Variants in ATP6V1C2 observed in about 807,000 individuals in gnomAD.
ATP6V1C2 encodes the protein ATPase H+ transporting V1 subunit C2, also known as V-type proton ATPase subunit C 2.
In ATP6V1C2, 45 loss-of-function variants were observed where a neutral mutation model predicts 56.8. The ratio of observed to expected loss-of-function variants is 0.79; its 90% CI spans 0.62 to 1.02. The LOEUF is 1.02. Ranked by LOEUF, ATP6V1C2 falls within the 50% of genes least tolerant of loss-of-function variation. ATP6V1C2 has a pLI of 0.00. For synonymous variants in ATP6V1C2, 220 were observed against 201.3 expected (o/e 1.09, Z -0.79); for missense variants, 463 against 519.7 (o/e 0.89, Z 1.06).
In ATP6V1C2 at chr2:10,722,938, A is replaced by G. The variant is rs759296963; in HGVS notation, c.89A>G (p.Asn30Ser). The G allele has an allele frequency of 4.3e-6, 7 of 1,614,104 alleles. No homozygotes were observed. The highest frequency in any genetic ancestry group is 2.2e-5 in the East Asian group (1 of 44,880). Residue 30 changes from asparagine to serine, a missense_variant, in exon 2 of 14, where the codon AAC becomes AGC. Asn to Ser is a conservative substitution (Grantham distance 46). Transcript: ENST00000272238. The part of the protein sequence containing the change: ...ERMNTVTSKS[N>S]LSYNTKFAIP... ...ATGAATACTGTAACCTCCAAGTCCA[A>G]CCTGTCTTATAATACCAAATTCGCT... is the stretch of plus-strand genomic sequence containing the variant.
intron 4 of ATP6V1C2, 118 bp from the exon 5 acceptor site, chr2:10,764,213 G>C (rs1422642561): frequency 4.7e-6 from 4 of 847,298 alleles, no homozygotes; most frequent in African/African-American, 1.7e-5. Flanking sequence ...CTGCCCGCCG[G>C]CGTTGCCCAT....
At chr2:10,728,897 G>A (rs916954820) in intron 3 of ATP6V1C2, among the ~76,000 whole-genome samples, 7 of 151,318 alleles carry the variant, frequency 4.6e-5, no homozygotes, top group Non-Finnish European at 8.8e-5. Context: ...TCAGGACTTC[G>A]GGAGGCCGAG....
intron 4 of ATP6V1C2, among the ~76,000 whole-genome samples, chr2:10,762,000 TGGCCCTGCCTG>T (rs977046586): frequency 2.6e-5 from 4 of 152,256 alleles, no homozygotes; most frequent in Admixed American, 2.0e-4. Context: ...AGGGGAGCCG[TGGCCCTGCCTG>T]GGCCCTGCAG....
Position 10,766,473 on chromosome 2 carries a change from C to T in ATP6V1C2, c.378+2048C>T, listed in dbSNP as rs576000145. Among the ~76,000 whole-genome samples the T allele has an allele frequency of 2.0e-5, 3 of 152,276 alleles. No homozygotes were observed. The South Asian group carries it at 6.2e-4, about 32-fold the overall frequency. On this transcript the variant is annotated intron_variant, in intron 5 of 13. Coordinates refer to ENST00000272238, the MANE Select transcript of ATP6V1C2 (RefSeq NM_001039362.2). Reference sequence around the variant, plus strand: ...CATTTAAATGTGGGCCTTACTGGTTCGAAAGCCCTAGTTCCTATCACTGCT... The same window carrying T: ...CATTTAAATGTGGGCCTTACTGGTTTGAAAGCCCTAGTTCCTATCACTGCT...
At chr2:10,737,131 T>C (rs966651634) in intron 3 of ATP6V1C2, among the ~76,000 whole-genome samples, 2 of 152,026 alleles carry the variant, frequency 1.3e-5, no homozygotes, top group Admixed American at 6.6e-5. Flanking sequence ...ATGAATTAAG[T>C]TGGCCAGGTG....
At chr2:10,744,965 G>A (rs62128982) in intron 3 of ATP6V1C2, among the ~76,000 whole-genome samples, 47 of 150,624 alleles carry the variant, frequency 3.1e-4, no homozygotes, top group Non-Finnish European at 6.1e-4. Context: ...CATCGCACCC[G>A]GCCTATTTTT....
At chr2:10,722,544 A>G (rs112891364) in intron 1 of ATP6V1C2, among the ~76,000 whole-genome samples, 2 of 152,216 alleles carry the variant, frequency 1.3e-5, no homozygotes, top group African/African-American at 4.8e-5. Context: ...GATGCCTGAT[A>G]GGGGTTGTTC....
At chr2:10,762,705 C>G (rs917418946) in intron 4 of ATP6V1C2, among the ~76,000 whole-genome samples, 6 of 152,094 alleles carry the variant, frequency 3.9e-5, no homozygotes, top group African/African-American at 7.2e-5. Flanking sequence ...TCCTCCATCC[C>G]CATCCCTCCC....
chr2:10,777,892 T>C (rs1665100463), intron 11 of ATP6V1C2, among the ~76,000 whole-genome samples, 170 bp downstream of exon 11: 1 of 151,696 alleles, frequency 6.6e-6, no homozygotes, highest in Non-Finnish European at 1.5e-5. Context: ...AGGGCCTCTT[T>C]GGAGCTGCCC....
intron 3 of ATP6V1C2, among the ~76,000 whole-genome samples, chr2:10,746,940 C>A (rs1052709674): frequency 9.2e-5 from 14 of 152,036 alleles, no homozygotes; most frequent in African/African-American, 3.4e-4. Flanking sequence ...TATTTTGAAC[C>A]AATTTCAAGT....
At chr2:10,770,321 C>T (rs1241609555) in intron 6 of ATP6V1C2, among the ~76,000 whole-genome samples, 1 of 152,156 alleles carries the variant, frequency 6.6e-6, no homozygotes, top group Non-Finnish European at 1.5e-5. Flanking sequence ...TCGCTTGAAC[C>T]CGGGAGGAGG....
chr2:10,767,135 A>T (rs12611921), intron 5 of ATP6V1C2, among the ~76,000 whole-genome samples: 3 of 145,472 alleles, frequency 2.1e-5, no homozygotes, highest in Admixed American at 7.0e-5. Flanking sequence ...ATCTTTAAAT[A>T]TTTTTTTAAT....
chr2:10,780,075 C>G lies in ATP6V1C2; in HGVS notation c.1061+1406C>G, dbSNP rs1168585059. 6.6e-6 allele frequency among the ~76,000 whole-genome samples: 1 copy of G among 152,082 alleles called. No individual in the cohort carries two copies. The highest frequency in any genetic ancestry group is 1.5e-5 in the Non-Finnish European group (1 of 67,998). The stretch of plus-strand genomic sequence containing the variant: ...TGAGGAGCTCCTCATCCCTCCCTGC[C>G]GTCCCCCTGGCTGATGTCCCCTACT... On this transcript the variant is annotated intron_variant, in intron 12 of 13. Coordinates refer to ENST00000272238, the MANE Select transcript of ATP6V1C2 (RefSeq NM_001039362.2). The surrounding 1 kb of genome is among the most constrained non-coding windows in gnomAD (Gnocchi z 4.1).
In ATP6V1C2 at chr2:10,774,896, G is replaced by A. The variant is rs1172138841; in HGVS notation, c.731+16G>A. The stretch of plus-strand genomic sequence containing the variant: ...AAGAAAACAAGTAAGGGTCCTCCAG[G>A]TTTGGTTCATCTCCCGCTGCGGGGG... On this transcript the variant is annotated intron_variant, in intron 9 of 13. Coordinates refer to ENST00000272238, the MANE Select transcript of ATP6V1C2 (RefSeq NM_001039362.2). The A allele has an allele frequency of 1.6e-5, 26 of 1,613,732 alleles. No individual in the cohort carries two copies. Among genetic ancestry groups the A allele is most frequent in the Non-Finnish European group, 2.2e-5 (26 of 1,179,684 alleles).
chr2:10,746,879 AC>A (rs879262818), intron 3 of ATP6V1C2, among the ~76,000 whole-genome samples: 5 of 152,242 alleles, frequency 3.3e-5, no homozygotes, highest in Non-Finnish European at 5.9e-5. Flanking sequence ...TTAGGTATAT[AC>A]TGACATAATT....
Position 10,730,021 on chromosome 2 carries a change from T to C in ATP6V1C2, c.197+3452T>C, listed in dbSNP as rs73169955. Among the ~76,000 whole-genome samples, 773 of 152,342 alleles carry C rather than the reference T, an allele frequency of 5.1e-3. 14 individuals carry two copies. The highest frequency in any genetic ancestry group is 0.017 in the African/African-American group (705 of 41,580). On this transcript the variant is annotated intron_variant, in intron 3 of 13. Coordinates refer to ENST00000272238, the MANE Select transcript of ATP6V1C2 (RefSeq NM_001039362.2). ...GAAACTTTCAGGTTTTTAGGGCCCA[T>C]GGACTTGCTCTTTTCTTCTTAGTGG... is the stretch of plus-strand genomic sequence containing the variant.
rs117071032 is a variant in ATP6V1C2, at chr2:10,745,693, T to C, written c.198-8288T>C. Among the ~76,000 whole-genome samples, 228 of 152,208 alleles carry C rather than the reference T, an allele frequency of 1.5e-3. 4 individuals carry two copies. In the East Asian group the frequency reaches 0.04, roughly 27 times the overall value. On this transcript the variant is annotated intron_variant, in intron 3 of 13. Coordinates refer to ENST00000272238, the MANE Select transcript of ATP6V1C2 (RefSeq NM_001039362.2). ...GCGTTAAGTACGTTCACACTGCTGT[T>C]ACAACCGTCACCACCCTCCACCCAC... is the stretch of plus-strand genomic sequence containing the variant.
At chr2:10,766,478 G>GCC (rs1664227003) in intron 5 of ATP6V1C2, among the ~76,000 whole-genome samples, 1 of 152,230 alleles carries the variant, frequency 6.6e-6, no homozygotes, top group Non-Finnish European at 1.5e-5. Context: ...TGGTTCGAAA[G>GCC]CCCTAGTTCC....
intron 6 of ATP6V1C2, among the ~76,000 whole-genome samples, chr2:10,770,502 C>T (rs998078066): frequency 2.6e-5 from 4 of 152,198 alleles, no homozygotes; most frequent in Non-Finnish European, 4.4e-5. Flanking sequence ...AGGGGCCGGG[C>T]GCCGGGGCAG....
Sources: gnomAD v4.1 joint callset for allele counts (sites outside exome capture counted in the v4.1 genomes callset) on GRCh38, gnomAD v4.1.1 for gene constraint, Gnocchi (gnomAD v3.1) non-coding constraint, MANE v1.5 for transcripts, NCBI Gene and HGNC (gene_info 2026-07-23, HGNC 2026-07-21) for gene names.